RBSN: variants seen among roughly 807,000 people sequenced by gnomAD.
RBSN encodes the protein rabenosyn, RAB effector, also known as rabenosyn-5.
In RBSN, 34 loss-of-function variants were observed where a neutral mutation model predicts 60.5. That is an observed-to-expected ratio of 0.56 (90% CI 0.43 to 0.75). The LOEUF (loss-of-function observed/expected upper bound fraction) is 0.75. Among genes scored for constraint, RBSN ranks in the 30% least tolerant of loss-of-function variants. The pLI, the probability that RBSN is intolerant of heterozygous loss-of-function variation, is 0.00. For synonymous variants in RBSN, 322 were observed against 366.9 expected (o/e 0.88, Z 1.40); for missense variants, 845 against 986.8 (o/e 0.86, Z 1.92).
In RBSN at chr3:15,077,194, G is replaced by C. The variant is rs1222748445; in HGVS notation, c.999-30C>G. On this transcript the variant is annotated intron_variant, in intron 11 of 13. Coordinates refer to ENST00000253699, the MANE Select transcript of RBSN (RefSeq NM_022340.4). This position sits in a 1 kb window ranked among gnomAD's most constrained non-coding sequence, Gnocchi z 4.4. The stretch of plus-strand genomic sequence containing the variant: ...ATTGGAACAAACACATGAATATAAT[G>C]AGCACTGCCAGCTTCAGAAACAAGG... The C allele has an allele frequency of 6.4e-7, 1 of 1,569,006 alleles. No individual in the cohort carries two copies. Among genetic ancestry groups the C allele is most frequent in the Admixed American group, 1.7e-5 (1 of 59,920 alleles).
At chr3:15,085,715 T>C (rs972068324) in intron 6 of RBSN, 146 bp downstream of exon 6, 24 of 676,338 alleles carry the variant, frequency 3.5e-5, no homozygotes, top group Admixed American at 2.3e-4. Context: ...CTGTCCACCA[T>C]GTCCTTTGCA....
rs2042935041 is a variant in RBSN at position 15,071,913 on chromosome 3, G to A, written c.*1869C>T. ...ACTCTACCCAGAGCTGAGCACATAT[G>A]GCTATCATGATGTCAGATGTCAGTT... is the stretch of plus-strand genomic sequence containing the variant. On this transcript the variant is annotated 3_prime_UTR_variant, in exon 14 of 14. Coordinates refer to ENST00000253699, the MANE Select transcript of RBSN (RefSeq NM_022340.4). The A allele has an allele frequency of 6.6e-6, 1 of 152,612 alleles. No homozygotes were observed. The highest frequency in any genetic ancestry group is 6.5e-5 in the Admixed American group (1 of 15,282). 9.5% of individuals were successfully genotyped at this position (152,612 alleles called of 1,614,324 possible). A position where few individuals can be genotyped will look rare whatever the true frequency, so the allele number is the denominator to read the frequency against.
intron 4 of RBSN, chr3:15,091,513 GA>G: frequency 7.8e-7 from 1 of 1,283,250 alleles, no homozygotes; most frequent in Non-Finnish European, 1.0e-6. Flanking sequence ...AACACAAACA[GA>G]ACCAGATTGG....
intron 4 of RBSN, among the ~76,000 whole-genome samples, chr3:15,091,697 C>T (rs1351462633): frequency 1.3e-5 from 2 of 152,196 alleles, no homozygotes; most frequent in African/African-American, 4.8e-5. Flanking sequence ...CTTGCTTCAC[C>T]CAAGATCACA....
intron 5 of RBSN, among the ~76,000 whole-genome samples, chr3:15,088,612 C>T (rs748382921): frequency 1.6e-4 from 24 of 152,010 alleles, no homozygotes; most frequent in South Asian, 2.1e-4. Flanking sequence ...AAACTCCTGA[C>T]CTTGTGATTC....
Position 15,078,160 on chromosome 3 carries a change from C to T in RBSN, c.913G>A (p.Ala305Thr). The T allele has an allele frequency of 6.2e-7, 1 of 1,614,072 alleles. No homozygotes were observed. The stretch of plus-strand genomic sequence containing the variant: ...TCCAGACTGTAGGTTGTCTCCCCAG[C>T]ACTAAGGAGAAACCAGAGACACGTG... Reference protein sequence around the residue: ...EYIRMAASLNAGETTYSLEHA... With the variant: ...EYIRMAASLNTGETTYSLEHA... Residue 305 changes from alanine to threonine, a missense_variant and splice_region_variant, in exon 11 of 14, where the codon GCT (alanine) becomes ACT (threonine). Transcript: ENST00000253699.
chr3:15,089,951 A>G (rs1006897673), intron 5 of RBSN, among the ~76,000 whole-genome samples: 12 of 152,198 alleles, frequency 7.9e-5, no homozygotes, highest in Admixed American at 1.3e-4. Flanking sequence ...AATTTTTATC[A>G]TCCCAAAAAC....
intron 5 of RBSN, among the ~76,000 whole-genome samples, chr3:15,086,481 CTG>C (rs2043347492): frequency 2.0e-5 from 3 of 152,202 alleles, no homozygotes; most frequent in Admixed American, 1.3e-4. Context: ...CTGCCACACA[CTG>C]TGTAACCTTG....
intron 6 of RBSN, among the ~76,000 whole-genome samples, chr3:15,085,268 T>C (rs1202587872): frequency 6.6e-6 from 1 of 152,182 alleles, no homozygotes; most frequent in African/African-American, 2.4e-5. Context: ...AATCTCTTTA[T>C]TGTCAGTTAC....
rs1397996001 is a variant in RBSN, at chr3:15,073,044, A to G, written c.*738T>C. The G allele has an allele frequency of 6.6e-6, 1 of 152,260 alleles. No individual in the cohort carries two copies. Among genetic ancestry groups the G allele is most frequent in the Non-Finnish European group, 1.5e-5 (1 of 68,046 alleles). 9.4% of individuals were successfully genotyped at this position (152,260 alleles called of 1,614,324 possible). A position where few individuals can be genotyped will look rare whatever the true frequency, so the allele number is the denominator to read the frequency against. ...CTTATTTTCTAAAAAGCTCAGGACC[A>G]GATTCACATTGATACCCTGCACTGG... is the stretch of plus-strand genomic sequence containing the variant. On this transcript the variant is annotated 3_prime_UTR_variant, in exon 14 of 14. Coordinates refer to ENST00000253699, the MANE Select transcript of RBSN (RefSeq NM_022340.4).
intron 10 of RBSN, among the ~76,000 whole-genome samples, chr3:15,078,558 C>T (rs1388288717): frequency 6.6e-6 from 1 of 151,558 alleles, no homozygotes; most frequent in Non-Finnish European, 1.5e-5. Context: ...CAAGGAGGTT[C>T]GAGACCAGCC....
At chr3:15,092,071 G>C (rs2043530470) in intron 4 of RBSN, among the ~76,000 whole-genome samples, 1 of 151,944 alleles carries the variant, frequency 6.6e-6, no homozygotes, top group Middle Eastern at 3.4e-3. Context: ...AGGCTGGAGT[G>C]CAGTGGCTGA....
intron 10 of RBSN, 44 bp from the exon 11 acceptor site, chr3:15,078,205 G>T: frequency 6.5e-7 from 1 of 1,549,696 alleles, no homozygotes; most frequent in Non-Finnish European, 8.9e-7. Context: ...TCATGGTGCA[G>T]ATTGGACAGC....
chr3:15,085,522 G>C (rs551438773), intron 6 of RBSN, among the ~76,000 whole-genome samples: 104 of 152,282 alleles, frequency 6.8e-4, no homozygotes, highest in African/African-American at 2.4e-3. Flanking sequence ...CCACTTCTTT[G>C]TTTGCCATCA....
chr3:15,087,805 G>A (rs370429024), intron 5 of RBSN, among the ~76,000 whole-genome samples: 334 of 152,192 alleles, frequency 2.2e-3, no homozygotes, highest in African/African-American at 7.6e-3. Flanking sequence ...ATTTTTAGTA[G>A]AGACAGGGTC....
At position 15,082,389 on chromosome 3, in the gene RBSN, G is replaced by A; in HGVS notation, c.818C>T (p.Pro273Leu). The A allele has an allele frequency of 2.5e-6, 4 of 1,613,696 alleles. No individual in the cohort carries two copies. Among genetic ancestry groups the A allele is most frequent in the Non-Finnish European group, 3.4e-6 (4 of 1,179,586 alleles). Residue 273 changes from proline to leucine, a missense_variant, in exon 9 of 14, where the codon CCT becomes CTT. Transcript: ENST00000253699. The surrounding 1 kb of genome is among the most constrained non-coding windows in gnomAD (Gnocchi z 4.2). ...CACCTCGTAGAGCTTCACGATGTCA[G>A]GTGTGTGCTCCTTCTCATCAATCTG... Reference protein sequence around the residue: ...EQQIDEKEHTPDIVKLYEKLR... With the variant: ...EQQIDEKEHTLDIVKLYEKLR...
intron 10 of RBSN, 93 bp downstream of exon 10, chr3:15,080,639 G>T: frequency 7.7e-7 from 1 of 1,301,800 alleles, no homozygotes. Flanking sequence ...CACGGTTGAA[G>T]TTAAGATTTT....
intron 5 of RBSN, among the ~76,000 whole-genome samples, chr3:15,086,960 C>T (rs2043358449): frequency 6.6e-6 from 1 of 152,218 alleles, no homozygotes; most frequent in Non-Finnish European, 1.5e-5. Flanking sequence ...TGCATGTCCT[C>T]TTCCCAATGA....
intron 9 of RBSN, 74 bp from the exon 10 acceptor site, chr3:15,080,876 A>G: frequency 6.9e-6 from 8 of 1,152,466 alleles, no homozygotes; most frequent in African/African-American, 1.5e-5. Flanking sequence ...AGGCTCCATC[A>G]ATGGAGCTAT....
Sources: allele counts gnomAD v4.1 joint callset (sites outside exome capture counted in the v4.1 genomes callset), GRCh38; gene constraint gnomAD v4.1.1; non-coding constraint Gnocchi (gnomAD v3.1); transcripts MANE v1.5; gene names NCBI Gene and HGNC (gene_info 2026-07-23, HGNC 2026-07-21).